The following TNS1 variants were observed in gnomAD, a reference collection of about 807,000 sequenced individuals.
TNS1 encodes the protein tensin 1.
TNS1 carries 62 observed loss-of-function variants against 168.6 expected under a neutral mutation model. The observed-to-expected ratio is 0.37, with a 90% CI of 0.30 to 0.45. The LOEUF (loss-of-function observed/expected upper bound fraction) is 0.45. Ranked by LOEUF, TNS1 falls within the 20% of genes least tolerant of loss-of-function variation. The pLI is 1.00. For missense variants in TNS1, 2,240 were observed against 2,339.4 expected (o/e 0.96, Z 0.88); for synonymous variants, 934 against 933.2 (o/e 1.00, Z -0.02).
intron 3 of TNS1, among the ~76,000 whole-genome samples, chr2:217,961,260 CAG>C (rs139190494): frequency 1.9e-4 from 27 of 139,740 alleles, no homozygotes; most frequent in Non-Finnish European, 2.0e-4. Context: ...CACACACACA[CAG>C]AGAGAGAGAG....
chr2:217,858,055 T>A (rs1428973717), intron 18 of TNS1, among the ~76,000 whole-genome samples: 1 of 151,900 alleles, frequency 6.6e-6, no homozygotes, highest in African/African-American at 2.4e-5. Context: ...GCACTGGAGG[T>A]GCCCCAAAGC....
chr2:217,809,212 G>C (rs1278172843), intron 30 of TNS1, among the ~76,000 whole-genome samples: 5 of 71,998 alleles, frequency 6.9e-5, no homozygotes, highest in African/African-American at 2.2e-4. Context: ...TGGATGGATG[G>C]ATGCATGGAT....
chr2:217,825,045 C>T lies in TNS1; in HGVS notation c.3374-3107G>A, dbSNP rs78942976. ...ATAGTAAGACCTCAGAGGCACACAT[C>T]CATTTTTCTCATTCCCTGAAGTTCA... On this transcript the variant is annotated intron_variant, in intron 22 of 32. Transcript: ENST00000682258. 3.4e-3 allele frequency among the ~76,000 whole-genome samples: 511 copies of T among 152,310 alleles called. 6 individuals carry two copies. Among genetic ancestry groups the T allele is most frequent in the African/African-American group, 0.012 (479 of 41,578 alleles).
chr2:217,955,851 T>C (rs1957348271), intron 3 of TNS1, among the ~76,000 whole-genome samples: 1 of 152,140 alleles, frequency 6.6e-6, no homozygotes, highest in South Asian at 2.1e-4. Flanking sequence ...TCAGGGACAA[T>C]GTCCCTCTCA....
chr2:217,820,225 C>G (rs922013495), intron 23 of TNS1, among the ~76,000 whole-genome samples: 3 of 152,194 alleles, frequency 2.0e-5, no homozygotes, highest in Non-Finnish European at 4.4e-5. Context: ...AGGGCCAACA[C>G]TTCAGCAGGA....
intron 32 of TNS1, among the ~76,000 whole-genome samples, chr2:217,807,857 C>G (rs924947545): frequency 6.6e-6 from 1 of 152,204 alleles, no homozygotes; most frequent in East Asian, 1.9e-4. Context: ...AGAGTGAAGG[C>G]AGCTGGACCA....
chr2:217,927,577 T>C (rs1956096954), intron 3 of TNS1, among the ~76,000 whole-genome samples: 1 of 151,954 alleles, frequency 6.6e-6, no homozygotes, highest in Admixed American at 6.6e-5. Context: ...ACATTACTAA[T>C]AACAATAAGG....
chr2:217,832,251 C>G (rs1574690703), intron 21 of TNS1, among the ~76,000 whole-genome samples: 1 of 152,356 alleles, frequency 6.6e-6, no homozygotes, highest in East Asian at 1.9e-4. Flanking sequence ...CACCCACTCC[C>G]TATGCGAAGC....
chr2:218,004,350 G>A (rs1220266044), upstream of TNS1, among the ~76,000 whole-genome samples: 2 of 151,898 alleles, frequency 1.3e-5, no homozygotes, highest in Non-Finnish European at 2.9e-5. Context: ...ATGCACGAAG[G>A]GTTACAGATC....
At chr2:217,850,244 G>A (rs925197533) in intron 18 of TNS1, 36 of 985,292 alleles carry the variant, frequency 3.7e-5, no homozygotes, top group Middle Eastern at 1.0e-3. Context: ...GCTCAGCCAA[G>A]CCAACAGTCC....
upstream of TNS1, among the ~76,000 whole-genome samples, chr2:218,010,682 G>A (rs1284505773): frequency 6.6e-6 from 1 of 151,108 alleles, no homozygotes; most frequent in Admixed American, 6.6e-5. Flanking sequence ...CAGCAGCCGC[G>A]GGAGCCGGGG....
At chr2:217,854,776 G>A (rs549644844) in intron 18 of TNS1, among the ~76,000 whole-genome samples, 2 of 152,268 alleles carry the variant, frequency 1.3e-5, no homozygotes, top group African/African-American at 4.8e-5. Context: ...GCTATGGCTG[G>A]GGCAGGCACC....
intron 18 of TNS1, among the ~76,000 whole-genome samples, chr2:217,851,751 C>G (rs1947530837): frequency 6.6e-6 from 1 of 152,232 alleles, no homozygotes; most frequent in African/African-American, 2.4e-5. Context: ...CTTCCAACCC[C>G]CTATTATCAT....
chr2:217,871,878 C>A (rs868075142), intron 18 of TNS1, among the ~76,000 whole-genome samples: 1 of 152,274 alleles, frequency 6.6e-6, no homozygotes, highest in Admixed American at 6.5e-5. Flanking sequence ...TGTGAGCAAC[C>A]TTTCCAGGCT....
chr2:218,009,338 T>C (rs1432291450), intron 1 of TNS1, among the ~76,000 whole-genome samples: 2 of 152,042 alleles, frequency 1.3e-5, no homozygotes, highest in Non-Finnish European at 2.9e-5. Context: ...TTTGTAGCTA[T>C]GCCCCCACCT....
At chr2:217,872,651 T>C (rs1038583489) in intron 18 of TNS1, among the ~76,000 whole-genome samples, 1 of 152,216 alleles carries the variant, frequency 6.6e-6, no homozygotes, top group Non-Finnish European at 1.5e-5. Context: ...GTTCCTCAAA[T>C]GATGACACAG....
rs181685000 is a variant in TNS1, at chr2:217,868,336, C to A, written c.1429+12562G>T. 2.0e-5 allele frequency among the ~76,000 whole-genome samples: 3 copies of A among 152,286 alleles called. No individual in the cohort carries two copies. The East Asian group carries it at 5.8e-4, about 29-fold the overall frequency. ...ACGACCAGTGCCAAGGAGGCAGGACCCCTGAGCAGAGGAAGTGGGTCACAC... is the reference window on the plus strand; with the variant it reads ...ACGACCAGTGCCAAGGAGGCAGGACACCTGAGCAGAGGAAGTGGGTCACAC... On this transcript the variant is annotated intron_variant, in intron 18 of 32. Coordinates refer to ENST00000682258, the MANE Select transcript of TNS1 (RefSeq NM_001387777.1).
intron 9 of TNS1, 152 bp from the exon 10 acceptor site, chr2:217,893,713 G>T: frequency 8.6e-7 from 1 of 1,156,500 alleles, no homozygotes; most frequent in Non-Finnish European, 1.2e-6. Flanking sequence ...CCACTGGCCA[G>T]CGAGGAGGCA....
At chr2:217,957,694 A>G (rs79921729) in intron 3 of TNS1, among the ~76,000 whole-genome samples, 17,812 of 152,110 alleles carry the variant, frequency 0.12, 1,067 homozygotes, top group Middle Eastern at 0.16. Context: ...GTAGCTGATC[A>G]TAAGAAATTA....
Sources: allele counts gnomAD v4.1 joint callset (sites outside exome capture counted in the v4.1 genomes callset), GRCh38; gene constraint gnomAD v4.1.1; transcripts MANE v1.5; gene names NCBI Gene and HGNC (gene_info 2026-07-23, HGNC 2026-07-21).